Variants in AGBL1 observed in about 807,000 individuals in gnomAD.
AGBL1 encodes the protein cytosolic carboxypeptidase 4.
A neutral mutation model predicts 118.9 loss-of-function variants in AGBL1; 130 were observed. The ratio of observed to expected loss-of-function variants is 1.09; its 90% CI spans 0.95 to 1.26. AGBL1 has a LOEUF of 1.26. AGBL1 is among the 50% of genes most tolerant of loss of function. The pLI is 0.00. For synonymous variants in AGBL1, 555 were observed against 478.9 expected (o/e 1.16, Z -2.08); for missense variants, 1,584 against 1,298.1 (o/e 1.22, Z -3.38).
chr15:86,262,647 G>A (rs2142028792), intron 9 of AGBL1, 131 bp from the exon 10 acceptor site: 1 of 708,334 alleles, frequency 1.4e-6, no homozygotes, highest in South Asian at 1.5e-5. Flanking sequence ...TCACTGGATG[G>A]GCCAGTGCTA....
intron 18 of AGBL1, among the ~76,000 whole-genome samples, chr15:86,477,347 A>G (rs1275988920): frequency 6.6e-6 from 1 of 152,256 alleles, no homozygotes; most frequent in Admixed American, 6.5e-5. Flanking sequence ...AGACTGATAA[A>G]GAAGAAAAGA....
chr15:86,239,252 A>T (rs944917152), intron 6 of AGBL1, among the ~76,000 whole-genome samples: 13 of 152,232 alleles, frequency 8.5e-5, no homozygotes, highest in Non-Finnish European at 1.9e-4. Context: ...TTGAGAAAAC[A>T]AGATTTGCTT....
chr15:86,506,237 C>T (rs2082974783), intron 18 of AGBL1, among the ~76,000 whole-genome samples: 1 of 151,980 alleles, frequency 6.6e-6, no homozygotes, highest in South Asian at 2.1e-4. Context: ...CTTTCCTGAG[C>T]ATGCACATAG....
intron 21 of AGBL1, among the ~76,000 whole-genome samples, chr15:86,657,240 A>G (rs545116350): frequency 1.3e-5 from 2 of 152,264 alleles, no homozygotes; most frequent in Admixed American, 6.5e-5. Context: ...CCAACTGTAC[A>G]AGTGCCGCGG....
intron 17 of AGBL1, among the ~76,000 whole-genome samples, chr15:86,322,494 G>A (rs2141845695): frequency 6.6e-6 from 1 of 152,034 alleles, no homozygotes; most frequent in Non-Finnish European, 1.5e-5. Flanking sequence ...AAATTTGAGG[G>A]GACCTGGTAA....
At chr15:86,937,750 C>T (rs974631433) in intron 23 of AGBL1, among the ~76,000 whole-genome samples, 11 of 152,174 alleles carry the variant, frequency 7.2e-5, no homozygotes, top group African/African-American at 2.4e-4. Context: ...ACCCCCATGA[C>T]ATGAGTTTAC....
At chr15:86,273,805 C>A (rs569075133) in intron 15 of AGBL1, among the ~76,000 whole-genome samples, 1 of 152,246 alleles carries the variant, frequency 6.6e-6, no homozygotes, top group South Asian at 2.1e-4. Context: ...ACTGTGGGGA[C>A]AACTGTGAGC....
At chr15:86,345,618 T>C (rs1448606587) in intron 17 of AGBL1, among the ~76,000 whole-genome samples, 1 of 152,144 alleles carries the variant, frequency 6.6e-6, no homozygotes, top group Admixed American at 6.5e-5. Flanking sequence ...GAAAGGCAGG[T>C]ATAGGGAGAG....
chr15:86,203,035 G>A (rs1752900671), intron 5 of AGBL1, among the ~76,000 whole-genome samples: 1 of 152,046 alleles, frequency 6.6e-6, no homozygotes, highest in African/African-American at 2.4e-5. Flanking sequence ...AGTGAGCTGT[G>A]ATCACACCAC....
rs118178713 is a variant in AGBL1, at chr15:86,418,170, A to G, written c.2555+20624A>G. 2.5e-3 allele frequency among the ~76,000 whole-genome samples: 385 copies of G among 152,302 alleles called. 11 individuals carry two copies. In the East Asian group the frequency reaches 0.068, roughly 27 times the overall value. ...TGACAAGAATTTCTTTTATCTTTTT[A>G]TCATGTCATTGATACATTTGTTGAA... On this transcript the variant is annotated intron_variant, in intron 18 of 22. Coordinates refer to ENST00000614907, the MANE Select transcript of AGBL1 (RefSeq NM_001386094.1).
chr15:86,544,535 C>T lies in AGBL1; in HGVS notation c.2686-1467C>T, dbSNP rs570819170. ...GTTCCACATGGCTGGGGAGGCCTCA[C>T]GATCATGGTGGAGGGCAAATGAGGG... On this transcript the variant is annotated intron_variant, in intron 19 of 22. Coordinates refer to ENST00000614907, the MANE Select transcript of AGBL1 (RefSeq NM_001386094.1). Among the ~76,000 whole-genome samples, 5 of 152,218 alleles carry T rather than the reference C, an allele frequency of 3.3e-5. No individual in the cohort carries two copies. The East Asian group carries it at 7.7e-4, about 23-fold the overall frequency.
intron 7 of AGBL1, among the ~76,000 whole-genome samples, chr15:86,256,619 G>A (rs367883676): frequency 1.3e-5 from 2 of 152,310 alleles, no homozygotes; most frequent in African/African-American, 4.8e-5. Flanking sequence ...TGTATGAAAT[G>A]AGCAAGAGAC....
At chr15:87,011,891 C>T (rs2081563991) in intron 24 of AGBL1, among the ~76,000 whole-genome samples, 1 of 151,946 alleles carries the variant, frequency 6.6e-6, no homozygotes, top group Non-Finnish European at 1.5e-5. Context: ...AATTACTTTG[C>T]AGAAAATCTA....
At chr15:86,151,223 C>T (rs914218030) in intron 3 of AGBL1, among the ~76,000 whole-genome samples, 11 of 151,154 alleles carry the variant, frequency 7.3e-5, no homozygotes, top group African/African-American at 2.0e-4. Flanking sequence ...GTGGGTGCAG[C>T]GCACCAGCAT....
chr15:86,979,502 G>C (rs1018169788), intron 23 of AGBL1, among the ~76,000 whole-genome samples: 2 of 150,226 alleles, frequency 1.3e-5, no homozygotes, highest in East Asian at 2.0e-4. Context: ...TTTTTTGGCG[G>C]GGGGGAGATG....
At chr15:86,998,809 C>T (rs2081404388) in intron 24 of AGBL1, among the ~76,000 whole-genome samples, 1 of 152,044 alleles carries the variant, frequency 6.6e-6, no homozygotes, top group Non-Finnish European at 1.5e-5. Context: ...GTTAGCTCAA[C>T]CTGCCCAAGG....
intron 22 of AGBL1, among the ~76,000 whole-genome samples, chr15:86,822,889 G>T (rs1198501372): frequency 6.6e-6 from 1 of 152,058 alleles, no homozygotes; most frequent in Admixed American, 6.6e-5. Context: ...TTGACCTAAG[G>T]GCAGGATTTA....
intron 1 of AGBL1, among the ~76,000 whole-genome samples, chr15:86,113,257 C>CTTTTCTTTTCTTTTCTTTTCT (rs150495748): frequency 2.0e-4 from 8 of 39,796 alleles, no homozygotes; most frequent in South Asian, 7.5e-4. Flanking sequence ...CTTTTCTTTT[C>CTTTTCTTTTCTTTTCTTTTCT]TTTCTTTCTT....
At chr15:86,552,459 G>T (rs2083677047) in intron 20 of AGBL1, among the ~76,000 whole-genome samples, 1 of 152,204 alleles carries the variant, frequency 6.6e-6, no homozygotes, top group Non-Finnish European at 1.5e-5. Flanking sequence ...CTATTTGCCA[G>T]TATTATTGAT....
Sources: allele counts gnomAD v4.1 joint callset (sites outside exome capture counted in the v4.1 genomes callset), GRCh38; gene constraint gnomAD v4.1.1; transcripts MANE v1.5; gene names NCBI Gene and HGNC (gene_info 2026-07-23, HGNC 2026-07-21).